Variants in CHD8 observed in about 807,000 individuals in gnomAD.
CHD8 encodes the protein ATP-dependent chromatin remodeler CHD8.
CHD8 carries 31 observed loss-of-function variants against 279.2 expected under a neutral mutation model. That is an observed-to-expected ratio of 0.11 (90% CI 0.08 to 0.15). CHD8 has a LOEUF of 0.15. Ranked by LOEUF, CHD8 falls within the 10% of genes least tolerant of loss-of-function variation. The pLI is 1.00. For synonymous variants in CHD8, 1,081 were observed against 1,139.6 expected (o/e 0.95, Z 1.04); for missense variants, 2,146 against 3,230.5 (o/e 0.66, Z 8.14).
intron 5 of CHD8, among the ~76,000 whole-genome samples, chr14:21,420,908 G>A (rs1051064703): frequency 2.6e-5 from 4 of 151,958 alleles, no homozygotes; most frequent in East Asian, 1.9e-4. Flanking sequence ...GATTACAAGC[G>A]TGCACCACCA....
At chr14:21,451,156 A>T (rs2139575230) in intron 1 of CHD8, among the ~76,000 whole-genome samples, 1 of 152,344 alleles carries the variant, frequency 6.6e-6, no homozygotes, top group South Asian at 2.1e-4. Context: ...CAAACAAACT[A>T]GTGAGAATAT....
chr14:21,409,547 G>A (rs919354324), intron 11 of CHD8, among the ~76,000 whole-genome samples: 2 of 152,146 alleles, frequency 1.3e-5, no homozygotes, highest in Non-Finnish European at 2.9e-5. Flanking sequence ...TTTTTTAGGT[G>A]TAATAATGGT....
Position 21,406,970 on chromosome 14 carries a change from C to G in CHD8, c.2793G>C (p.Leu931Phe). 6.2e-7 allele frequency: 1 copy of G among 1,607,794 alleles called. No individual in the cohort carries two copies. The highest frequency in any genetic ancestry group is 8.5e-7 in the Non-Finnish European group (1 of 1,176,932). The change falls in exon 14 of 38, where the codon TTG becomes TTC. Residue 931 changes from leucine to phenylalanine, a missense_variant. By Grantham distance (22) the Leu-to-Phe change is conservative. Around this residue, in one of 26 missense-constraint regions of CHD8, gnomAD observed 211 missense variants for 464.7 expected, o/e 0.45. Coordinates refer to ENST00000646647, the MANE Select transcript of CHD8 (RefSeq NM_001170629.2). The stretch of plus-strand genomic sequence containing the variant: ...TTTCACGAAGCTCAGGACAATCTGA[C>G]AAAATCATCTCAAAAGTGGTGATCA... ...DALITTFEMI[L>F]SDCPELREIE...
chr14:21,419,644 C>T (rs1888924148), intron 5 of CHD8: 1 of 192,852 alleles, frequency 5.2e-6, no homozygotes, highest in Non-Finnish European at 1.1e-5. Flanking sequence ...CAACTGCAGC[C>T]AGACCCTGAG....
chr14:21,431,744 C>T lies in CHD8; in HGVS notation c.-101G>A, dbSNP rs922195314. On this transcript the variant is annotated 5_prime_UTR_variant, in exon 2 of 38. Coordinates refer to ENST00000646647, the MANE Select transcript of CHD8 (RefSeq NM_001170629.2). ...CCTCCCCTATTAAGAAAAAAATGTA[C>T]ACAATGTAAGAGGACTACTCTTCAA... 6 of 1,612,152 alleles carry T rather than the reference C, an allele frequency of 3.7e-6. No homozygotes were observed. In the African/African-American group the frequency reaches 8.0e-5, roughly 22 times the overall value.
At chr14:21,392,949 C>T in intron 33 of CHD8, 140 bp from the exon 34 acceptor site, 1 of 1,195,616 alleles carries the variant, frequency 8.4e-7, no homozygotes, top group African/African-American at 1.6e-5. Context: ...TATTAAGATT[C>T]CTAAGTCAAC....
chr14:21,455,319 T>C (rs1704554187), intron 1 of CHD8, among the ~76,000 whole-genome samples: 1 of 152,236 alleles, frequency 6.6e-6, no homozygotes, highest in African/African-American at 2.4e-5. Flanking sequence ...GGAAATTCCC[T>C]GCGACACTAG....
rs146901536 is a variant in CHD8 at position 21,421,869 on chromosome 14, C to G, written c.1716+4259G>C. Among the ~76,000 whole-genome samples, 128 of 152,288 alleles carry G rather than the reference C, an allele frequency of 8.4e-4. 3 individuals are homozygous for G. The highest frequency in any genetic ancestry group is 2.8e-3 in the African/African-American group (117 of 41,566). On this transcript the variant is annotated intron_variant, in intron 5 of 37. Transcript: ENST00000646647. ...GCCCTAATCCAATCTGACTAATGTT[C>G]TTACAGAAGGAAGAAATTTGGACAC...
intron 37 of CHD8, chr14:21,386,478 C>T: frequency 2.5e-6 from 1 of 403,824 alleles, no homozygotes; most frequent in Admixed American, 4.0e-5. Context: ...TCAACCATTT[C>T]ACAAATGCTT....
At chr14:21,421,037 C>T (rs547003100) in intron 5 of CHD8, among the ~76,000 whole-genome samples, 5 of 152,154 alleles carry the variant, frequency 3.3e-5, no homozygotes, top group Admixed American at 1.3e-4. Context: ...CTGGGATTAC[C>T]GGCATGAGCC....
At chr14:21,434,719 C>G (rs1450743606) in intron 1 of CHD8, among the ~76,000 whole-genome samples, 1 of 152,188 alleles carries the variant, frequency 6.6e-6, no homozygotes. Flanking sequence ...CTCACCTATA[C>G]TGACCCAATT....
At chr14:21,423,678 A>C (rs1458855024) in intron 5 of CHD8, among the ~76,000 whole-genome samples, 1 of 152,180 alleles carries the variant, frequency 6.6e-6, no homozygotes, top group Non-Finnish European at 1.5e-5. Context: ...CAGTGATTAC[A>C]GGTATGAGCC....
intron 33 of CHD8, 142 bp from the exon 34 acceptor site, chr14:21,392,951 TAAGTC>T: frequency 8.4e-7 from 1 of 1,184,614 alleles, no homozygotes; most frequent in Admixed American, 2.7e-5. Flanking sequence ...TTAAGATTCC[TAAGTC>T]AACTGGGAAG....
chr14:21,418,762 G>A (rs1165927063), intron 5 of CHD8, among the ~76,000 whole-genome samples: 1 of 152,246 alleles, frequency 6.6e-6, no homozygotes, highest in Non-Finnish European at 1.5e-5. Flanking sequence ...CTTGCAGGGA[G>A]CGGAGATCGC....
intron 11 of CHD8, 34 bp downstream of exon 11, chr14:21,409,817 G>A (rs1888410277): frequency 6.4e-7 from 1 of 1,571,190 alleles, no homozygotes; most frequent in Non-Finnish European, 8.6e-7. Context: ...CATTTCTTAT[G>A]TAGGCCTTTA....
At chr14:21,445,663 C>G (rs1300687679) in intron 1 of CHD8, among the ~76,000 whole-genome samples, 1 of 99,500 alleles carries the variant, frequency 1.0e-5, no homozygotes, top group South Asian at 3.2e-4. Flanking sequence ...CACTCCAGCC[C>G]GGGCAACAGA....
In CHD8 at chr14:21,392,705, C is replaced by T; in HGVS notation, c.6573G>A (p.Leu2191=). The T allele has an allele frequency of 6.2e-7, 1 of 1,613,984 alleles. No individual in the cohort carries two copies. Among genetic ancestry groups the T allele is most frequent in the Non-Finnish European group, 8.5e-7 (1 of 1,179,896 alleles). Residue 2191 remains leucine (L), a synonymous_variant, in exon 34 of 38, where the codon TTG becomes TTA. Coordinates refer to ENST00000646647, the MANE Select transcript of CHD8 (RefSeq NM_001170629.2). ...RSQEMVTGGI[L]GPGNHLLDSP... ...TGTCTAGCAAGTGGTTGCCTGGCCC[C>T]AAAATTCCTCCTGTTACCATTTCCT...
intron 1 of CHD8, among the ~76,000 whole-genome samples, chr14:21,434,991 T>C (rs569964118): frequency 1.3e-5 from 2 of 152,284 alleles, no homozygotes; most frequent in East Asian, 3.9e-4. Flanking sequence ...AATGAACAGA[T>C]GTTAAGTTGG....
chr14:21,389,917 A>C (rs1421193479), intron 37 of CHD8, among the ~76,000 whole-genome samples: 2 of 152,206 alleles, frequency 1.3e-5, no homozygotes, highest in Non-Finnish European at 2.9e-5. Flanking sequence ...AGACCTCTCC[A>C]AACACTTCTA....
Sources: allele counts gnomAD v4.1 joint callset (sites outside exome capture counted in the v4.1 genomes callset), GRCh38; gene constraint gnomAD v4.1.1; regional missense constraint gnomAD v4.1.1; transcripts MANE v1.5; gene names NCBI Gene and HGNC (gene_info 2026-07-23, HGNC 2026-07-21).